The following MTR variants were observed in gnomAD, a reference collection of about 807,000 sequenced individuals.
The protein encoded by MTR is 5-methyltetrahydrofolate-homocysteine methyltransferase, also known as methionine synthase.
MTR carries 84 observed loss-of-function variants against 154.8 expected under a neutral mutation model. The ratio of observed to expected loss-of-function variants is 0.54; its 90% CI spans 0.45 to 0.65. The LOEUF (loss-of-function observed/expected upper bound fraction) is 0.65, where lower values mean the gene tolerates loss of function less well. Ranked by LOEUF, MTR falls within the 30% of genes least tolerant of loss-of-function variation. The pLI, the probability that MTR is intolerant of heterozygous loss-of-function variation, is 0.00. For missense variants in MTR, 1,275 were observed against 1,570.2 expected, an observed-to-expected ratio of 0.81 and a Z score of 3.18; for synonymous variants, 554 against 553.9, an observed-to-expected ratio of 1.00 and a Z score of 0.00.
At chr1:236,809,303 G>T (rs1421201568) in intron 4 of MTR, among the ~76,000 whole-genome samples, 1 of 152,216 alleles carries the variant, frequency 6.6e-6, no homozygotes, top group Non-Finnish European at 1.5e-5. Context: ...ATTCAGTCTT[G>T]CTTGGACTTG....
chr1:236,828,098 C>T (rs1481563240), intron 11 of MTR, among the ~76,000 whole-genome samples: 1 of 152,130 alleles, frequency 6.6e-6, no homozygotes, highest in Non-Finnish European at 1.5e-5. Context: ...CTGCCTCAGC[C>T]TCCTGAGTAG....
At chr1:236,805,068 A>G (rs1254692256) in intron 2 of MTR, among the ~76,000 whole-genome samples, 1 of 152,124 alleles carries the variant, frequency 6.6e-6, no homozygotes, top group East Asian at 1.9e-4. Context: ...GATGTTTGTT[A>G]TTGTTACTAT....
chr1:236,837,069 T>C (rs921554065), intron 14 of MTR, among the ~76,000 whole-genome samples: 8 of 152,210 alleles, frequency 5.3e-5, no homozygotes, highest in Admixed American at 1.3e-4. Flanking sequence ...CCACAACTTA[T>C]TGGAGGCCAA....
chr1:236,874,707 TTAAA>T lies in MTR; in HGVS notation c.2474-18_2474-15del, dbSNP rs748894882. The T allele has an allele frequency of 4.2e-6, 5 of 1,203,838 alleles. No individual in the cohort carries two copies. Among genetic ancestry groups the T allele is most frequent in the Non-Finnish European group, 4.5e-6 (4 of 895,676 alleles). 74.6% of individuals were successfully genotyped at this position (1,203,838 alleles called of 1,614,324 possible). On this transcript the variant is annotated splice_polypyrimidine_tract_variant and intron_variant, in intron 23 of 32. Transcript: ENST00000366577. ...CACTGTCCTTTTTGTCCTTTTTTTT[TTAAA>T]AAAAAAAAAAATAGATATAATTGGC...
At chr1:236,827,068 G>T (rs1045062846) in intron 11 of MTR, among the ~76,000 whole-genome samples, 172 bp downstream of exon 11, 1 of 152,180 alleles carries the variant, frequency 6.6e-6, no homozygotes, top group African/African-American at 2.4e-5. Flanking sequence ...GGCCTTTAAA[G>T]AGGCGACTAA....
chr1:236,820,204 T>C (rs530919218), intron 8 of MTR: 1 of 759,450 alleles, frequency 1.3e-6, no homozygotes, highest in South Asian at 1.3e-5. Flanking sequence ...CACCATTTCC[T>C]GTGAACACTT....
chr1:236,891,102 T>C (rs765634387), intron 28 of MTR, 31 bp from the exon 29 acceptor site: 1 of 1,612,370 alleles, frequency 6.2e-7, no homozygotes, highest in Non-Finnish European at 8.5e-7. Context: ...TTGGCATCTT[T>C]AAGTGAATTC....
chr1:236,808,355 C>G (rs1355527709), intron 3 of MTR, among the ~76,000 whole-genome samples: 1 of 152,162 alleles, frequency 6.6e-6, no homozygotes, highest in Non-Finnish European at 1.5e-5. Flanking sequence ...TGTTTTGCCT[C>G]TTAAGCCTAT....
Position 236,903,304 on chromosome 1 carries a change from G to A in MTR, c.*5660G>A, listed in dbSNP as rs1667001904. The A allele has an allele frequency of 6.6e-6, 1 of 152,164 alleles. No individual in the cohort carries two copies. The highest frequency in any genetic ancestry group is 2.4e-5 in the African/African-American group (1 of 41,448). The allele number at this position is 152,164 out of a possible 1,614,324, so 9.4% of individuals were successfully genotyped here. On this transcript the variant is annotated 3_prime_UTR_variant, in exon 33 of 33. Coordinates refer to ENST00000366577, the MANE Select transcript of MTR (RefSeq NM_000254.3). ...TGTTATTGTACTTTTAAAAAGATTA[G>A]CTTGGCAACAAGTCTAGCCTGAAAT...
At chr1:236,838,366 A>G (rs1439418038) in intron 14 of MTR, 48 bp from the exon 15 acceptor site, 1 of 1,589,408 alleles carries the variant, frequency 6.3e-7, no homozygotes, top group African/African-American at 1.3e-5. Flanking sequence ...AAAGTAATTT[A>G]TAGTGACCTG....
intron 8 of MTR, chr1:236,819,839 TA>T: frequency 2.6e-6 from 2 of 767,588 alleles, no homozygotes; most frequent in Non-Finnish European, 4.7e-6. Flanking sequence ...TTGTTGCCAT[TA>T]AAAACCCTGC....
chr1:236,846,664 C>T (rs1179936756), intron 15 of MTR, among the ~76,000 whole-genome samples: 1 of 152,052 alleles, frequency 6.6e-6, no homozygotes, highest in Non-Finnish European at 1.5e-5. Context: ...TTGTAATTAT[C>T]CCTAAATAGG....
chr1:236,810,188 T>C (rs530489615), intron 4 of MTR, among the ~76,000 whole-genome samples: 2 of 152,332 alleles, frequency 1.3e-5, no homozygotes, highest in South Asian at 4.1e-4. Context: ...CGTGATGATA[T>C]GTGTATATCT....
At chr1:236,867,508 A>T (rs1023611875) in intron 22 of MTR, among the ~76,000 whole-genome samples, 1 of 152,224 alleles carries the variant, frequency 6.6e-6, no homozygotes, top group East Asian at 1.9e-4. Context: ...CACAACATCC[A>T]TTCTGCAGCC....
intron 30 of MTR, 99 bp downstream of exon 30, chr1:236,894,656 G>GTA: frequency 9.1e-7 from 1 of 1,095,050 alleles, no homozygotes; most frequent in Non-Finnish European, 1.3e-6. Flanking sequence ...TAGAACCAGT[G>GTA]TCTTTTTTTT....
At chr1:236,888,326 G>A (rs1214108212) in intron 27 of MTR, among the ~76,000 whole-genome samples, 1 of 152,214 alleles carries the variant, frequency 6.6e-6, no homozygotes, top group Non-Finnish European at 1.5e-5. Context: ...ACTACAGTCT[G>A]GAGGGCAGAT....
intron 25 of MTR, among the ~76,000 whole-genome samples, chr1:236,884,296 G>A (rs558730201): frequency 6.6e-6 from 1 of 152,288 alleles, no homozygotes; most frequent in African/African-American, 2.4e-5. Context: ...TAAGGGAAGT[G>A]GATATATAAA....
At chr1:236,878,214 G>A (rs192489215) in intron 24 of MTR, among the ~76,000 whole-genome samples, 1 of 152,128 alleles carries the variant, frequency 6.6e-6, no homozygotes. Flanking sequence ...TTCATATATG[G>A]TTAATGCCTT....
At chr1:236,835,480 T>G (rs959611112) in intron 13 of MTR, 67 bp from the exon 14 acceptor site, 2 of 1,587,092 alleles carry the variant, frequency 1.3e-6, no homozygotes, top group Non-Finnish European at 1.7e-6. Context: ...GGTAAGGAAT[T>G]ACCTCATTAG....
Sources: allele counts gnomAD v4.1 joint callset (sites outside exome capture counted in the v4.1 genomes callset), GRCh38; gene constraint gnomAD v4.1.1; transcripts MANE v1.5; gene names NCBI Gene and HGNC (gene_info 2026-07-23, HGNC 2026-07-21).